Variants in ABCD3 observed in about 807,000 individuals in gnomAD.
ABCD3 encodes ATP binding cassette subfamily D member 3.
ABCD3 carries 41 observed loss-of-function variants against 105.5 expected under a neutral mutation model. The ratio of observed to expected loss-of-function variants is 0.39; its 90% CI spans 0.30 to 0.50. The LOEUF (loss-of-function observed/expected upper bound fraction) is 0.50, where lower values mean the gene tolerates loss of function less well. Among genes scored for constraint, ABCD3 ranks in the 20% least tolerant of loss-of-function variants. The pLI, the probability that ABCD3 is intolerant of heterozygous loss-of-function variation, is 0.84. For missense variants in ABCD3, 622 were observed against 806.3 expected (o/e 0.77, Z 2.77); for synonymous variants, 258 against 269.0 (o/e 0.96, Z 0.40).
chr1:94,410,795 T>G, the ABCD3 span, among the ~76,000 whole-genome samples: 95 of 152,218 alleles, frequency 6.2e-4, no homozygotes, highest in Non-Finnish European at 1.1e-3. Flanking sequence ...TAGAGATGTA[T>G]GAGACCCCAG....
At chr1:94,449,336 T>C (rs1344360782) in intron 1 of ABCD3, among the ~76,000 whole-genome samples, 1 of 152,164 alleles carries the variant, frequency 6.6e-6, no homozygotes, top group African/African-American at 2.4e-5. Flanking sequence ...GATGGCGGAA[T>C]AAAAACCTGA....
At chr1:94,430,779 G>A (rs1659641919) in intron 1 of ABCD3, among the ~76,000 whole-genome samples, 1 of 152,104 alleles carries the variant, frequency 6.6e-6, no homozygotes, top group Non-Finnish European at 1.5e-5. Context: ...GTAAATTTTT[G>A]TTAATTTAGT....
chr1:94,501,099 A>C (rs952454019), intron 20 of ABCD3, among the ~76,000 whole-genome samples: 2 of 152,050 alleles, frequency 1.3e-5, no homozygotes, highest in African/African-American at 2.4e-5. Flanking sequence ...ATAAAAGTAC[A>C]GGAGGGATAA....
chr1:94,398,726 A>T, the ABCD3 span, among the ~76,000 whole-genome samples: 2 of 152,218 alleles, frequency 1.3e-5, no homozygotes, highest in East Asian at 1.9e-4. Context: ...AGCCTGACCA[A>T]TATGGTAAAA....
chr1:94,388,872 C>T, the ABCD3 span, among the ~76,000 whole-genome samples: 1 of 152,032 alleles, frequency 6.6e-6, no homozygotes, highest in African/African-American at 2.4e-5. Context: ...GATTTGGCAG[C>T]CACTATGGAC....
At chr1:94,389,891 T>C in the ABCD3 span, among the ~76,000 whole-genome samples, 3 of 152,222 alleles carry the variant, frequency 2.0e-5, no homozygotes, top group South Asian at 6.2e-4. Context: ...TAGCATGATA[T>C]TATTAATATG....
intron 1 of ABCD3, among the ~76,000 whole-genome samples, chr1:94,438,301 T>TACACACACACACACACAC (rs58959540): frequency 3.9e-5 from 5 of 128,202 alleles, no homozygotes; most frequent in Non-Finnish European, 8.5e-5. Context: ...CACACACACA[T>TACACACACACACACACAC]ACACACACAC....
chr1:94,516,307 C>T (rs539587994), intron 22 of ABCD3, among the ~76,000 whole-genome samples: 2 of 151,994 alleles, frequency 1.3e-5, no homozygotes, highest in East Asian at 3.9e-4. Context: ...CAGTGAAATT[C>T]TATATAACTG....
At position 94,475,152 on chromosome 1, in the gene ABCD3, G is replaced by A. The variant is rs2100996113; in HGVS notation, c.415G>A (p.Val139Ile). 2 of 1,596,420 alleles carry A rather than the reference G, an allele frequency of 1.3e-6. No individual in the cohort carries two copies. The highest frequency in any genetic ancestry group is 4.5e-5 in the East Asian group (2 of 44,508). Residue 139 changes from valine (V) to isoleucine (I), a missense_variant, in exon 6 of 23, where the codon GTT becomes ATT. Val to Ile is a conservative substitution (Grantham distance 29). Coordinates refer to ENST00000370214, the MANE Select transcript of ABCD3 (RefSeq NM_002858.4). ...TGTTTGTTTGTTTTAGATCTCTCTG[G>A]TTAATAACTTCTTGAAGTATGGGTT... is the stretch of plus-strand genomic sequence containing the variant. ...FIAAMPLISL[V>I]NNFLKYGLNE...
rs1186063701 is a variant in ABCD3, at chr1:94,480,607, G to A, written c.827+1G>A. 6.2e-7 allele frequency: 1 copy of A among 1,613,602 alleles called. No individual in the cohort carries two copies. The highest frequency in any genetic ancestry group is 1.7e-5 in the Admixed American group (1 of 59,982). Reference sequence around the variant, plus strand: ...TTAATTCTCGGCTCATCACAAACAGGTAAAGACAAATGCATTAAAGCCTTG... The same window carrying A: ...TTAATTCTCGGCTCATCACAAACAGATAAAGACAAATGCATTAAAGCCTTG... On this transcript the variant is annotated splice_donor_variant, in intron 9 of 22. Coordinates refer to ENST00000370214, the MANE Select transcript of ABCD3 (RefSeq NM_002858.4). LOFTEE classifies it high-confidence loss of function.
At chr1:94,439,028 T>C (rs1048300152) in intron 1 of ABCD3, among the ~76,000 whole-genome samples, 7 of 152,206 alleles carry the variant, frequency 4.6e-5, no homozygotes, top group Admixed American at 3.3e-4. Context: ...TCACTACCTC[T>C]TTTTAGGTCA....
chr1:94,418,880 G>A (rs1341661534), intron 1 of ABCD3: 1 of 498,920 alleles, frequency 2.0e-6, no homozygotes, highest in Admixed American at 3.5e-5. Flanking sequence ...CCTCCAGTTG[G>A]GGGTGGGAGG....
the ABCD3 span, among the ~76,000 whole-genome samples, chr1:94,405,435 C>T: frequency 3.3e-5 from 5 of 151,942 alleles, no homozygotes; most frequent in Non-Finnish European, 4.4e-5. Flanking sequence ...CTCAGCCTCC[C>T]GAGTAGCTGG....
intron 20 of ABCD3, among the ~76,000 whole-genome samples, chr1:94,504,457 A>G (rs992024240): frequency 3.9e-5 from 6 of 152,180 alleles, no homozygotes; most frequent in Admixed American, 6.6e-5. Flanking sequence ...GGATGAGGGT[A>G]GGTTTGCCTG....
At chr1:94,448,366 G>A (rs915807196) in intron 1 of ABCD3, among the ~76,000 whole-genome samples, 7 of 152,304 alleles carry the variant, frequency 4.6e-5, no homozygotes, top group South Asian at 4.1e-4. Context: ...TTCCTAAAAC[G>A]AAACTGTTTC....
chr1:94,426,195 T>G (rs1659463225), intron 1 of ABCD3, among the ~76,000 whole-genome samples: 1 of 152,254 alleles, frequency 6.6e-6, no homozygotes, highest in Non-Finnish European at 1.5e-5. Context: ...ATTGATAGAA[T>G]CATTTACTTT....
At chr1:94,415,900 T>C (rs2100855689), upstream of ABCD3, among the ~76,000 whole-genome samples, 1 of 152,332 alleles carries the variant, frequency 6.6e-6, no homozygotes, top group South Asian at 2.1e-4. Context: ...ATAGTATCTT[T>C]TGCTGTAGCA....
intron 1 of ABCD3, among the ~76,000 whole-genome samples, chr1:94,447,581 A>G (rs2100930426): frequency 6.6e-6 from 1 of 152,358 alleles, no homozygotes; most frequent in South Asian, 2.1e-4. Context: ...AGACTTATGT[A>G]GAGCAAGCAA....
chr1:94,417,030 G>A (rs1659044971), upstream of ABCD3, among the ~76,000 whole-genome samples: 1 of 152,130 alleles, frequency 6.6e-6, no homozygotes, highest in African/African-American at 2.4e-5. Context: ...CATTCTGAAC[G>A]CTCCCATGTA....
Sources: gnomAD v4.1 joint callset for allele counts (sites outside exome capture counted in the v4.1 genomes callset) on GRCh38, gnomAD v4.1.1 for gene constraint, MANE v1.5 for transcripts, NCBI Gene and HGNC (gene_info 2026-07-23, HGNC 2026-07-21) for gene names.